The following CCDC141 variants were observed in gnomAD, a reference collection of about 807,000 sequenced individuals.
CCDC141 encodes the protein coiled-coil domain-containing protein 141.
Under a neutral mutation model 181.0 loss-of-function variants are expected in CCDC141, and 168 were observed. The ratio of observed to expected loss-of-function variants is 0.93; its 90% CI spans 0.82 to 1.05. The LOEUF is 1.05. Ranked by LOEUF, CCDC141 falls within the 50% of genes least tolerant of loss-of-function variation. CCDC141 has a pLI of 0.00. For missense variants in CCDC141, 1,902 were observed against 1,788.5 expected (o/e 1.06, Z -1.14); for synonymous variants, 666 against 642.3 (o/e 1.04, Z -0.56).
intron 6 of CCDC141, among the ~76,000 whole-genome samples, chr2:178,944,327 G>T (rs1689642216): frequency 1.3e-5 from 2 of 152,062 alleles, no homozygotes; most frequent in African/African-American, 4.8e-5. Context: ...AGTTATTGTT[G>T]TAGAAGCTGT....
chr2:178,861,924 T>C (rs1005902586), intron 17 of CCDC141, among the ~76,000 whole-genome samples: 2 of 152,210 alleles, frequency 1.3e-5, no homozygotes, highest in Admixed American at 1.3e-4. Context: ...TGCTGCCCTG[T>C]TGGGTGTTTT....
chr2:179,007,737 C>G (rs2042155123), intron 2 of CCDC141, among the ~76,000 whole-genome samples: 2 of 152,030 alleles, frequency 1.3e-5, no homozygotes, highest in African/African-American at 4.8e-5. Flanking sequence ...CTTCTTTTAC[C>G]AAGCAAAAAG....
intron 5 of CCDC141, among the ~76,000 whole-genome samples, chr2:178,954,458 G>A (rs1690077091): frequency 6.6e-6 from 1 of 152,200 alleles, no homozygotes; most frequent in African/African-American, 2.4e-5. Flanking sequence ...AGATAGGAAA[G>A]TATGTGTTTT....
Position 178,833,764 on chromosome 2 carries a change from A to AC in CCDC141, c.*408_*409insG, listed in dbSNP as rs1684356538. On this transcript the variant is annotated 3_prime_UTR_variant, in exon 24 of 24. Coordinates refer to ENST00000443758, the MANE Select transcript of CCDC141 (RefSeq NM_173648.4). ...ACATCAATTCAATAGTTCTACTGATATTCCCTACAAAGGGATGTTTTAAAA... is the reference window on the plus strand; with the variant it reads ...ACATCAATTCAATAGTTCTACTGATACTTCCCTACAAAGGGATGTTTTAAAA... 6.1e-6 allele frequency: 1 copy of AC among 163,350 alleles called. No individual in the cohort carries two copies. The highest frequency in any genetic ancestry group is 2.4e-5 in the African/African-American group (1 of 41,622). The allele number at this position is 163,350 out of a possible 1,614,324, so 10.1% of individuals were successfully genotyped here.
At chr2:178,820,145 T>G in the CCDC141 span, among the ~76,000 whole-genome samples, 1 of 152,216 alleles carries the variant, frequency 6.6e-6, no homozygotes, top group Non-Finnish European at 1.5e-5. Context: ...GTTACTTCTG[T>G]TTGAAAATGT....
chr2:178,991,426 C>CA lies in CCDC141; in HGVS notation c.226-12752dup, dbSNP rs776133951. On this transcript the variant is annotated intron_variant, in intron 2 of 23. Coordinates refer to ENST00000443758, the MANE Select transcript of CCDC141 (RefSeq NM_173648.4). ...TTATGTTATATGAATTTTGTCTCTT[C>CA]AAAATTTTTTTTAACTTTTGACATT... Among the ~76,000 whole-genome samples, 144 of 140,446 alleles carry CA rather than the reference C, an allele frequency of 1.0e-3. 1 individual carries two copies. Among genetic ancestry groups the CA allele is most frequent in the Non-Finnish European group, 1.3e-3 (78 of 59,892 alleles). 92.1% of individuals were successfully genotyped at this position (140,446 alleles called of 152,430 possible).
At chr2:178,888,224 A>G (rs965570172) in intron 9 of CCDC141, among the ~76,000 whole-genome samples, 1 of 152,216 alleles carries the variant, frequency 6.6e-6, no homozygotes, top group African/African-American at 2.4e-5. Flanking sequence ...AGAACCATGC[A>G]AATGAAAGAT....
chr2:178,989,126 GCAA>G (rs1283305484), intron 2 of CCDC141, among the ~76,000 whole-genome samples: 6 of 152,070 alleles, frequency 3.9e-5, no homozygotes, highest in Non-Finnish European at 5.9e-5. Flanking sequence ...AGTAGCATAA[GCAA>G]CAACAACAAC....
chr2:178,821,923 C>T, the CCDC141 span, among the ~76,000 whole-genome samples: 49,643 of 151,750 alleles, frequency 0.33, 9,313 homozygotes, highest in Middle Eastern at 0.43. Context: ...ACCCAAAGGA[C>T]TATAAATCAT....
At position 178,869,110 on chromosome 2, in the gene CCDC141, G is replaced by T. The variant is rs1338615750; in HGVS notation, c.2394+7C>A. The T allele has an allele frequency of 6.4e-7, 1 of 1,554,226 alleles. No individual in the cohort carries two copies. On this transcript the variant is annotated splice_region_variant and intron_variant, in intron 15 of 23. Transcript: ENST00000443758. Reference sequence around the variant, plus strand: ...AGGATTTTTCAGACATCCCTTCTAAGCCTTACCTCTTCCTTGACTTGATGG... The same window carrying T: ...AGGATTTTTCAGACATCCCTTCTAATCCTTACCTCTTCCTTGACTTGATGG...
At chr2:178,987,127 T>C (rs1302171804) in intron 2 of CCDC141, among the ~76,000 whole-genome samples, 1 of 120,842 alleles carries the variant, frequency 8.3e-6, no homozygotes. Context: ...GAGATATAGA[T>C]CAATGGAACA....
intron 6 of CCDC141, among the ~76,000 whole-genome samples, chr2:178,943,700 C>T (rs1436044393): frequency 6.6e-6 from 1 of 152,090 alleles, no homozygotes; most frequent in Non-Finnish European, 1.5e-5. Flanking sequence ...TGACGGACTT[C>T]TGTTTTCTTG....
intron 2 of CCDC141, among the ~76,000 whole-genome samples, chr2:179,009,160 T>C (rs557914085): frequency 6.6e-6 from 1 of 152,282 alleles, no homozygotes; most frequent in South Asian, 2.1e-4. Context: ...GGCAAAATCA[T>C]CTCTGAGGAA....
intron 2 of CCDC141, among the ~76,000 whole-genome samples, chr2:178,984,383 G>A (rs1196862415): frequency 6.6e-5 from 10 of 151,500 alleles, no homozygotes; most frequent in East Asian, 1.9e-4. Flanking sequence ...AACGACCATC[G>A]AGACTAGGAA....
intron 11 of CCDC141, among the ~76,000 whole-genome samples, chr2:178,878,599 A>G (rs945028883): frequency 6.6e-6 from 1 of 150,994 alleles, no homozygotes; most frequent in Non-Finnish European, 1.5e-5. Context: ...GATTACGGGC[A>G]TGAGCTGCCA....
chr2:178,973,508 G>T (rs1435861109), intron 4 of CCDC141, among the ~76,000 whole-genome samples: 2 of 152,180 alleles, frequency 1.3e-5, no homozygotes, highest in African/African-American at 2.4e-5. Context: ...TCAGCTGGAT[G>T]CCAAAGAAGT....
chr2:178,848,551 G>A (rs1254456972), intron 21 of CCDC141, among the ~76,000 whole-genome samples: 1 of 152,204 alleles, frequency 6.6e-6, no homozygotes, highest in Admixed American at 6.5e-5. Flanking sequence ...GAGGAAGTGG[G>A]AGAGGCTGTG....
chr2:178,869,178 C>G lies in CCDC141; in HGVS notation c.2333G>C (p.Arg778Thr). The G allele has an allele frequency of 1.2e-6, 2 of 1,613,506 alleles. No homozygotes were observed. Among genetic ancestry groups the G allele is most frequent in the Non-Finnish European group, 1.7e-6 (2 of 1,179,740 alleles). Reference sequence around the variant, plus strand: ...CAGGATATCCTCGTAATCCTGGATTCTCTCTTTCTGTTTTTGATGGAAGTG... The same window carrying G: ...CAGGATATCCTCGTAATCCTGGATTGTCTCTTTCTGTTTTTGATGGAAGTG... ...LIHFHQKQKE[R>T]IQDYEDILYK... The change falls in exon 15 of 24, where the codon AGA (arginine) becomes ACA (threonine). Residue 778 changes from arginine (R) to threonine (T), a missense_variant. Arg to Thr is a moderately conservative substitution (Grantham distance 71, BLOSUM62 -1). Transcript: ENST00000443758.
chr2:179,024,061 A>C (rs2042762278), intron 2 of CCDC141, among the ~76,000 whole-genome samples: 2 of 152,234 alleles, frequency 1.3e-5, no homozygotes, highest in African/African-American at 4.8e-5. Flanking sequence ...GGAGGCCATA[A>C]TGGCATTCCA....
Sources: gnomAD v4.1 joint callset for allele counts (sites outside exome capture counted in the v4.1 genomes callset) on GRCh38, gnomAD v4.1.1 for gene constraint, MANE v1.5 for transcripts, NCBI Gene and HGNC (gene_info 2026-07-23, HGNC 2026-07-21) for gene names.